GALNT13: variants seen among roughly 807,000 people sequenced by gnomAD.
The protein encoded by GALNT13 is UDP-GalNAc:polypeptide N-acetylgalactosaminyltransferase 13.
Under a neutral mutation model 64.2 loss-of-function variants are expected in GALNT13, and 28 were observed. The ratio of observed to expected loss-of-function variants is 0.44; its 90% CI spans 0.32 to 0.60. GALNT13 has a LOEUF of 0.60. Among genes scored for constraint, GALNT13 ranks in the 20% least tolerant of loss-of-function variants. GALNT13 has a pLI of 0.05. For synonymous variants in GALNT13, 214 were observed against 224.6 expected (o/e 0.95, Z 0.42); for missense variants, 577 against 669.8 (o/e 0.86, Z 1.53).
the GALNT13 span, among the ~76,000 whole-genome samples, chr2:153,544,405 A>G: frequency 6.6e-6 from 1 of 152,182 alleles, no homozygotes; most frequent in Non-Finnish European, 1.5e-5. Context: ...ACCATTCTTA[A>G]CAGGTTGATC....
At position 154,372,264 on chromosome 2, in the gene GALNT13, A is replaced by G. The variant is rs1574183397; in HGVS notation, c.1157-23727A>G. Among the ~76,000 whole-genome samples, 3 of 152,120 alleles carry G rather than the reference A, an allele frequency of 2.0e-5. No homozygotes were observed. The South Asian group carries it at 6.2e-4, about 31-fold the overall frequency. On this transcript the variant is annotated intron_variant, in intron 9 of 12. Coordinates refer to ENST00000392825, the MANE Select transcript of GALNT13 (RefSeq NM_052917.4). ...TGTCACACTATTTTGAAATTCGTCT[A>G]GTTCAAGAGAAGAATAGAATTTGCT...
chr2:154,223,671 G>A (rs139690032), intron 4 of GALNT13, among the ~76,000 whole-genome samples: 2,027 of 151,680 alleles, frequency 0.013, 20 homozygotes, highest in Non-Finnish European at 0.019. Context: ...GACTGGTCTC[G>A]AATAAATTTA....
At chr2:153,717,722 A>G in the GALNT13 span, among the ~76,000 whole-genome samples, 1 of 152,192 alleles carries the variant, frequency 6.6e-6, no homozygotes, top group African/African-American at 2.4e-5. Flanking sequence ...TAACATGCTG[A>G]GTTTTTAAGG....
chr2:153,730,935 G>A, the GALNT13 span, among the ~76,000 whole-genome samples: 2 of 152,016 alleles, frequency 1.3e-5, no homozygotes, highest in Non-Finnish European at 2.9e-5. Flanking sequence ...GTTATACACT[G>A]TTGGTGAGAA....
At chr2:153,674,886 G>C in the GALNT13 span, among the ~76,000 whole-genome samples, 2 of 151,970 alleles carry the variant, frequency 1.3e-5, no homozygotes, top group Non-Finnish European at 1.5e-5. Flanking sequence ...ATTGAGCGAA[G>C]GATATGAACA....
the GALNT13 span, among the ~76,000 whole-genome samples, chr2:153,703,605 C>G: frequency 6.6e-6 from 1 of 152,004 alleles, no homozygotes; most frequent in African/African-American, 2.4e-5. Flanking sequence ...ATGAACATCT[C>G]TTGTTAGGAT....
chr2:154,172,497 G>T lies in GALNT13; in HGVS notation c.311+31992G>T, dbSNP rs577845528. ...AACCACCAATCTTTTCTGTCTTCATGACGTCCATACTTTTAGCTCCTACTC... is the reference window on the plus strand; with the variant it reads ...AACCACCAATCTTTTCTGTCTTCATTACGTCCATACTTTTAGCTCCTACTC... On this transcript the variant is annotated intron_variant, in intron 4 of 12. Coordinates refer to ENST00000392825, the MANE Select transcript of GALNT13 (RefSeq NM_052917.4). Among the ~76,000 whole-genome samples, 28 of 151,914 alleles carry T rather than the reference G, an allele frequency of 1.8e-4. No homozygotes were observed. The South Asian group carries it at 5.8e-3, about 32-fold the overall frequency.
the GALNT13 span, among the ~76,000 whole-genome samples, chr2:153,101,857 T>C: frequency 6.6e-6 from 1 of 152,246 alleles, no homozygotes; most frequent in Admixed American, 6.5e-5. Flanking sequence ...TCAACCCACT[T>C]TCAGTCTATT....
At chr2:154,227,122 A>T (rs2105836783) in intron 4 of GALNT13, among the ~76,000 whole-genome samples, 1 of 152,168 alleles carries the variant, frequency 6.6e-6, no homozygotes, top group Admixed American at 6.6e-5. Context: ...AAGGACTTCT[A>T]GGCTCAGTAC....
the GALNT13 span, among the ~76,000 whole-genome samples, chr2:153,512,496 G>A: frequency 1.3e-5 from 2 of 152,102 alleles, no homozygotes; most frequent in Non-Finnish European, 1.5e-5. Context: ...AAGAGTGTGA[G>A]CTCTGGAGCC....
chr2:154,382,750 G>A (rs550919059), intron 9 of GALNT13, among the ~76,000 whole-genome samples: 15 of 150,528 alleles, frequency 1.0e-4, no homozygotes, highest in African/African-American at 2.9e-4. Context: ...TTTTACAATT[G>A]TTCTTTCAAT....
chr2:154,109,479 T>C (rs910987422), intron 3 of GALNT13, among the ~76,000 whole-genome samples: 15 of 152,114 alleles, frequency 9.9e-5, no homozygotes, highest in African/African-American at 3.4e-4. Flanking sequence ...TTCTCTTATC[T>C]TATTGCTCTG....
chr2:154,100,339 A>T (rs1702282764), intron 3 of GALNT13, among the ~76,000 whole-genome samples: 2 of 152,074 alleles, frequency 1.3e-5, no homozygotes, highest in South Asian at 4.1e-4. Flanking sequence ...ATCTTTGAGG[A>T]TGGGATGTTT....
chr2:153,803,167 G>A, the GALNT13 span, among the ~76,000 whole-genome samples: 1 of 152,080 alleles, frequency 6.6e-6, no homozygotes, highest in Non-Finnish European at 1.5e-5. Flanking sequence ...TGAGCCTCAA[G>A]CTCGTCTTAC....
At chr2:153,988,252 A>T (rs1442900135) in intron 3 of GALNT13, among the ~76,000 whole-genome samples, 2 of 151,840 alleles carry the variant, frequency 1.3e-5, no homozygotes, top group Non-Finnish European at 2.9e-5. Context: ...CCTGCTGTAC[A>T]ATAGATCTAA....
chr2:153,772,106 T>G, the GALNT13 span, among the ~76,000 whole-genome samples: 1 of 152,194 alleles, frequency 6.6e-6, no homozygotes, highest in Non-Finnish European at 1.5e-5. Context: ...ACCACTGAGG[T>G]GCTCTCCACA....
chr2:154,178,769 C>T (rs1685798046), intron 4 of GALNT13, among the ~76,000 whole-genome samples: 1 of 152,164 alleles, frequency 6.6e-6, no homozygotes, highest in African/African-American at 2.4e-5. Context: ...AATGTCCTTT[C>T]CCATTCAGCC....
At chr2:153,569,942 G>C in the GALNT13 span, among the ~76,000 whole-genome samples, 1 of 152,022 alleles carries the variant, frequency 6.6e-6, no homozygotes, top group Non-Finnish European at 1.5e-5. Flanking sequence ...GAGAACACAC[G>C]ATGTTTGTCT....
intron 3 of GALNT13, among the ~76,000 whole-genome samples, chr2:153,995,198 C>CT (rs1381293443): frequency 6.6e-6 from 1 of 151,944 alleles, no homozygotes; most frequent in Non-Finnish European, 1.5e-5. Flanking sequence ...GTGTTTTCAG[C>CT]TTTTTTGTAT....
Sources: gnomAD v4.1 joint callset for allele counts (sites outside exome capture counted in the v4.1 genomes callset) on GRCh38, gnomAD v4.1.1 for gene constraint, MANE v1.5 for transcripts, NCBI Gene and HGNC (gene_info 2026-07-23, HGNC 2026-07-21) for gene names.